The following CHIC2 variants were observed in gnomAD, a reference collection of about 807,000 sequenced individuals.
CHIC2 encodes cysteine-rich hydrophobic domain-containing protein 2.
A neutral mutation model predicts 25.9 loss-of-function variants in CHIC2; 14 were observed. The observed-to-expected ratio is 0.54, with a 90% CI of 0.36 to 0.85. The LOEUF is 0.85. CHIC2 is among the 40% of genes least tolerant of loss of function. The pLI is 0.01. For missense variants in CHIC2, 146 were observed against 202.0 expected (o/e 0.72, Z 1.68); for synonymous variants, 70 against 72.0 (o/e 0.97, Z 0.14).
At chr4:54,050,390 G>C (rs1716968615) in intron 1 of CHIC2, among the ~76,000 whole-genome samples, 5 of 151,956 alleles carry the variant, frequency 3.3e-5, no homozygotes, top group Admixed American at 3.3e-4. Context: ...TCATAACTCT[G>C]CAAACCACTC....
At chr4:54,019,217 C>A (rs941925413) in intron 3 of CHIC2, among the ~76,000 whole-genome samples, 1 of 150,378 alleles carries the variant, frequency 6.6e-6, no homozygotes, top group Non-Finnish European at 1.5e-5. Flanking sequence ...TATTATGCTA[C>A]GTGAAAAGCC....
Position 54,064,557 on chromosome 4 carries a change from A to G in CHIC2, c.-257T>C, listed in dbSNP as rs1717452911. The G allele has an allele frequency of 3.1e-6, 4 of 1,300,736 alleles. No homozygotes were observed. In the South Asian group the frequency reaches 7.3e-5, roughly 24 times the overall value. 80.6% of individuals were successfully genotyped at this position (1,300,736 alleles called of 1,614,324 possible). On this transcript the variant is annotated 5_prime_UTR_variant, in exon 1 of 6. Coordinates refer to ENST00000263921, the MANE Select transcript of CHIC2 (RefSeq NM_012110.4). This position sits in a 1 kb window ranked among gnomAD's most constrained non-coding sequence, Gnocchi z 4.2. ...TCCGCCCAGAGGCCGACACCTCCAC[A>G]AGCACAGACGCCGCTGCCGCCGCCG...
chr4:54,057,915 G>A lies in CHIC2; in HGVS notation c.119+6267C>T, dbSNP rs1717223037. ...GTTGGTTGTTTTGCTTCCAAGAACA[G>A]CTGACCAATTACAAAGACAGAAGAA... On this transcript the variant is annotated intron_variant, in intron 1 of 5. Transcript: ENST00000263921. 2.0e-5 allele frequency among the ~76,000 whole-genome samples: 3 copies of A among 152,122 alleles called. No individual in the cohort carries two copies. In the South Asian group the frequency reaches 6.2e-4, roughly 31 times the overall value.
intron 3 of CHIC2, among the ~76,000 whole-genome samples, chr4:54,043,172 A>G (rs1380146164): frequency 6.6e-6 from 1 of 152,182 alleles, no homozygotes; most frequent in Non-Finnish European, 1.5e-5. Context: ...CTGTAATCCC[A>G]GCACTTTGGG....
chr4:54,038,621 T>C (rs1425260061), intron 3 of CHIC2, among the ~76,000 whole-genome samples: 1 of 152,166 alleles, frequency 6.6e-6, no homozygotes, highest in African/African-American at 2.4e-5. Context: ...GACAAGCTAA[T>C]TCTAAAATTT....
At chr4:54,013,805 A>G in intron 5 of CHIC2, 32 bp downstream of exon 5, 8 of 1,597,806 alleles carry the variant, frequency 5.0e-6, no homozygotes, top group Non-Finnish European at 6.0e-6. Flanking sequence ...ATCATTTAAT[A>G]GAGAAACTCA....
intron 3 of CHIC2, among the ~76,000 whole-genome samples, chr4:54,027,184 A>C (rs1293297346): frequency 6.6e-6 from 1 of 152,084 alleles, no homozygotes; most frequent in Non-Finnish European, 1.5e-5. Context: ...CATATTAAAA[A>C]CTCAGGTCAC....
chr4:54,070,916 T>G, the CHIC2 span, among the ~76,000 whole-genome samples: 3 of 152,148 alleles, frequency 2.0e-5, no homozygotes, highest in Admixed American at 6.5e-5. Flanking sequence ...GTTCCAAGAG[T>G]GGGCATCTGA....
intron 3 of CHIC2, among the ~76,000 whole-genome samples, chr4:54,025,854 C>CAA (rs66736321): frequency 0.28 from 30,722 of 109,356 alleles, 4,096 homozygotes; most frequent in Middle Eastern, 0.38. Flanking sequence ...GACCCTGTCT[C>CAA]AAAAAAAAAA....
At chr4:54,086,906 G>A in the CHIC2 span, 2 of 616,124 alleles carry the variant, frequency 3.2e-6, no homozygotes, top group Admixed American at 2.5e-5. Context: ...AAGATTGTTG[G>A]TTGGAATAAA....
intron 3 of CHIC2, among the ~76,000 whole-genome samples, chr4:54,027,439 A>T (rs1429721594): frequency 6.6e-6 from 1 of 152,208 alleles, no homozygotes; most frequent in African/African-American, 2.4e-5. Flanking sequence ...ACTAGTGTTC[A>T]TAATAATGGC....
intron 3 of CHIC2, among the ~76,000 whole-genome samples, chr4:54,031,376 T>C (rs1397889946): frequency 6.6e-6 from 1 of 152,056 alleles, no homozygotes; most frequent in Non-Finnish European, 1.5e-5. Flanking sequence ...CCATATCTTA[T>C]GCAACATTAT....
At position 54,064,166 on chromosome 4, in the gene CHIC2, C is replaced by G; in HGVS notation, c.119+16G>C. ...CCAGCCCGCACCTCCCGCCCTCGCC[C>G]TCCTCCGGGCCTTACACGGTGACGT... is the stretch of plus-strand genomic sequence containing the variant. On this transcript the variant is annotated intron_variant, in intron 1 of 5. Coordinates refer to ENST00000263921, the MANE Select transcript of CHIC2 (RefSeq NM_012110.4). This position sits in a 1 kb window ranked among gnomAD's most constrained non-coding sequence, Gnocchi z 4.2. 6.3e-7 allele frequency: 1 copy of G among 1,593,156 alleles called. No individual in the cohort carries two copies. The highest frequency in any genetic ancestry group is 1.1e-5 in the South Asian group (1 of 88,042).
chr4:54,084,480 C>T, the CHIC2 span, among the ~76,000 whole-genome samples: 1 of 138,820 alleles, frequency 7.2e-6, no homozygotes, highest in Non-Finnish European at 1.5e-5. Flanking sequence ...CTTGTCTGAT[C>T]TCAGAAAAAT....
chr4:54,062,374 C>T (rs1717361982), intron 1 of CHIC2, among the ~76,000 whole-genome samples: 2 of 150,130 alleles, frequency 1.3e-5, no homozygotes, highest in Admixed American at 1.3e-4. Context: ...TAACTGTCCA[C>T]TCCTAGGACC....
the CHIC2 span, chr4:54,076,987 A>C: frequency 6.6e-6 from 1 of 152,222 alleles, no homozygotes; most frequent in East Asian, 1.9e-4. Flanking sequence ...ATTTAAAAAA[A>C]GAAACTGAGG....
At chr4:54,075,648 G>T in the CHIC2 span, among the ~76,000 whole-genome samples, 2 of 152,138 alleles carry the variant, frequency 1.3e-5, no homozygotes, top group African/African-American at 4.8e-5. Flanking sequence ...CTGCCTCCTG[G>T]TTTCAAGCAA....
At chr4:54,044,079 G>A (rs930665466) in intron 3 of CHIC2, among the ~76,000 whole-genome samples, 3 of 152,100 alleles carry the variant, frequency 2.0e-5, no homozygotes, top group South Asian at 4.2e-4. Flanking sequence ...AATGGTAAAG[G>A]GATCAATTCA....
At chr4:54,067,467 G>A (rs116043228), upstream of CHIC2, among the ~76,000 whole-genome samples, 1,466 of 151,906 alleles carry the variant, frequency 9.7e-3, 12 homozygotes, top group African/African-American at 0.013. Context: ...CTCCACCTCC[G>A]CCCTGCCAAC....
Sources: gnomAD v4.1 joint callset for allele counts (sites outside exome capture counted in the v4.1 genomes callset) on GRCh38, gnomAD v4.1.1 for gene constraint, Gnocchi (gnomAD v3.1) non-coding constraint, MANE v1.5 for transcripts, NCBI Gene and HGNC (gene_info 2026-07-23, HGNC 2026-07-21) for gene names.